Variants in TYW1 observed in about 807,000 individuals in gnomAD.
TYW1 encodes the protein S-adenosyl-L-methionine-dependent tRNA 4-demethylwyosine synthase TYW1.
TYW1 carries 46 observed loss-of-function variants against 96.2 expected under a neutral mutation model. The observed-to-expected ratio is 0.48, with a 90% CI of 0.38 to 0.61. The LOEUF is 0.61. TYW1 is among the 20% of genes least tolerant of loss of function. TYW1 has a pLI of 0.00. For missense variants in TYW1, 684 were observed against 909.6 expected, an observed-to-expected ratio of 0.75 and a Z score of 3.19; for synonymous variants, 274 against 323.0, an observed-to-expected ratio of 0.85 and a Z score of 1.63.
intron 13 of TYW1, among the ~76,000 whole-genome samples, chr7:67,148,864 A>C (rs1198972024): frequency 3.9e-5 from 6 of 152,176 alleles, no homozygotes; most frequent in Non-Finnish European, 8.8e-5. Context: ...CATTGCTTTC[A>C]ATTTGTTTTT....
Position 67,195,177 on chromosome 7 carries a change from C to T in TYW1, c.1817C>T (p.Thr606Ile). ...GTTATACTGTTTCCACAGGGCGTTA[C>T]CTACTGCGGAGAAAGTTCAGCAAGC... ...NPDFIEVKGVTYCGESSASSL... is the reference protein window; with the variant it reads ...NPDFIEVKGVIYCGESSASSL... Residue 606 changes from threonine (T) to isoleucine (I), a missense_variant, in exon 15 of 16, where the codon ACC becomes ATC. Physicochemically the swap from Thr to Ile is moderately conservative, Grantham distance 89. Coordinates refer to ENST00000359626, the MANE Select transcript of TYW1 (RefSeq NM_018264.4). 1 of 1,613,934 alleles carries T rather than the reference C, an allele frequency of 6.2e-7. No individual in the cohort carries two copies. The highest frequency in any genetic ancestry group is 8.5e-7 in the Non-Finnish European group (1 of 1,179,970).
chr7:67,224,826 C>T (rs1437809956), intron 15 of TYW1, among the ~76,000 whole-genome samples: 4 of 152,088 alleles, frequency 2.6e-5, no homozygotes, highest in Non-Finnish European at 5.9e-5. Flanking sequence ...TCATTTAATC[C>T]TTACAAAAGT....
At chr7:67,002,649 A>T (rs1175032565) in intron 3 of TYW1, among the ~76,000 whole-genome samples, 1 of 151,064 alleles carries the variant, frequency 6.6e-6, no homozygotes, top group African/African-American at 2.4e-5. Context: ...GTATACTTGA[A>T]TTTTTTTTGT....
chr7:67,085,089 G>A (rs747302210), intron 11 of TYW1, among the ~76,000 whole-genome samples: 4 of 152,120 alleles, frequency 2.6e-5, no homozygotes, highest in African/African-American at 7.2e-5. Flanking sequence ...TATTAATAGC[G>A]CATATGGGAG....
chr7:67,162,346 T>C (rs1799188972), intron 13 of TYW1, among the ~76,000 whole-genome samples: 1 of 149,094 alleles, frequency 6.7e-6, no homozygotes, highest in African/African-American at 2.4e-5. Context: ...ATTCTGAACA[T>C]CCCTGGACTA....
chr7:67,085,337 C>G (rs1257845797), intron 11 of TYW1, among the ~76,000 whole-genome samples: 1 of 152,130 alleles, frequency 6.6e-6, no homozygotes, highest in Admixed American at 6.5e-5. Flanking sequence ...GCTGTTTCCC[C>G]CATGGTGTTC....
At chr7:67,164,413 A>T (rs1368287381) in intron 13 of TYW1, among the ~76,000 whole-genome samples, 1 of 151,692 alleles carries the variant, frequency 6.6e-6, no homozygotes, top group African/African-American at 2.4e-5. Flanking sequence ...AGTTCGAGAC[A>T]AGCCTGGGCA....
intron 13 of TYW1, among the ~76,000 whole-genome samples, chr7:67,174,654 G>A (rs1199040624): frequency 2.0e-5 from 3 of 150,706 alleles, no homozygotes; most frequent in Admixed American, 6.6e-5. Context: ...GTAAGTACTT[G>A]GAAGGAAATA....
chr7:67,098,754 A>G (rs1797000208), intron 12 of TYW1, 36 bp downstream of exon 12: 2 of 1,537,408 alleles, frequency 1.3e-6, no homozygotes, highest in South Asian at 2.6e-5. Flanking sequence ...TGCTGCTTGA[A>G]TCTATGTTTC....
intron 15 of TYW1, among the ~76,000 whole-genome samples, chr7:67,201,748 A>C (rs117872042): frequency 0.096 from 14,595 of 152,224 alleles, 793 homozygotes; most frequent in Middle Eastern, 0.15. Context: ...CTTTGAAATT[A>C]ATTACTTAAA....
intron 7 of TYW1, among the ~76,000 whole-genome samples, chr7:67,029,432 TA>T (rs1554348935): frequency 7.2e-6 from 1 of 139,234 alleles, no homozygotes; most frequent in African/African-American, 2.6e-5. Flanking sequence ...TATATATATA[TA>T]AATAGTATTT....
At chr7:67,191,136 A>G (rs184442189) in intron 14 of TYW1, among the ~76,000 whole-genome samples, 1 of 152,334 alleles carries the variant, frequency 6.6e-6, no homozygotes, top group African/African-American at 2.4e-5. Context: ...CAGAAGGCAG[A>G]GAAAGAGAGA....
At chr7:67,121,451 G>C (rs570748855) in intron 13 of TYW1, among the ~76,000 whole-genome samples, 1 of 152,294 alleles carries the variant, frequency 6.6e-6, no homozygotes, top group South Asian at 2.1e-4. Context: ...TGAGGCAGGA[G>C]AATTGCTTCA....
At chr7:67,174,679 T>C (rs1799616178) in intron 13 of TYW1, among the ~76,000 whole-genome samples, 1 of 150,604 alleles carries the variant, frequency 6.6e-6, no homozygotes, top group South Asian at 2.1e-4. Context: ...GAGCAGAAAT[T>C]AAGGAAATAA....
chr7:67,067,468 G>C, intron 10 of TYW1, 65 bp downstream of exon 10: 1 of 1,576,330 alleles, frequency 6.3e-7, no homozygotes, highest in Non-Finnish European at 8.7e-7. Flanking sequence ...AATCTGCCCA[G>C]CTCACACTCA....
rs747961825 is a variant in TYW1 at position 67,050,167 on chromosome 7, A to C, written c.1102+101A>C. The C allele has an allele frequency of 2.0e-5, 27 of 1,322,912 alleles. No homozygotes were observed. In the East Asian group the frequency reaches 6.2e-4, roughly 31 times the overall value. The allele number at this position is 1,322,912 out of a possible 1,614,324, so 81.9% of individuals were successfully genotyped here. Reference sequence around the variant, plus strand: ...TCTCTAATTAGCTCAGCAGCTGTTCATAGTGGCAGATATAACAGTCTAAAG... The same window carrying C: ...TCTCTAATTAGCTCAGCAGCTGTTCCTAGTGGCAGATATAACAGTCTAAAG... On this transcript the variant is annotated intron_variant, in intron 8 of 15. Coordinates refer to ENST00000359626, the MANE Select transcript of TYW1 (RefSeq NM_018264.4).
chr7:67,087,582 C>T (rs1437120734), intron 11 of TYW1, among the ~76,000 whole-genome samples: 1 of 147,752 alleles, frequency 6.8e-6, no homozygotes, highest in Non-Finnish European at 1.5e-5. Flanking sequence ...CCTGGTAATT[C>T]CTACAACGGA....
At chr7:67,076,447 A>C (rs1277752827) in intron 10 of TYW1, among the ~76,000 whole-genome samples, 12 of 152,180 alleles carry the variant, frequency 7.9e-5, no homozygotes, top group Non-Finnish European at 1.6e-4. Flanking sequence ...AATGATTTAT[A>C]AACCTTAAAT....
intron 6 of TYW1, among the ~76,000 whole-genome samples, chr7:67,021,574 A>G (rs576236312): frequency 1.3e-5 from 2 of 152,302 alleles, no homozygotes; most frequent in East Asian, 3.9e-4. Context: ...GTATTCCTAA[A>G]CCCTTTCATT....
Sources: allele counts gnomAD v4.1 joint callset (sites outside exome capture counted in the v4.1 genomes callset), GRCh38; gene constraint gnomAD v4.1.1; transcripts MANE v1.5; gene names NCBI Gene and HGNC (gene_info 2026-07-23, HGNC 2026-07-21).